Variants in N4BP3 observed in about 807,000 individuals in gnomAD.
N4BP3 encodes NEDD4-binding protein 3.
Under a neutral mutation model 43.8 loss-of-function variants are expected in N4BP3, and 33 were observed. The observed-to-expected ratio is 0.75, with a 90% CI of 0.57 to 1.01. The LOEUF (loss-of-function observed/expected upper bound fraction) is 1.01. N4BP3 is among the 50% of genes least tolerant of loss of function. The pLI is 0.00. For missense variants in N4BP3, 756 were observed against 744.2 expected (o/e 1.02, Z -0.18); for synonymous variants, 326 against 321.9 (o/e 1.01, Z -0.14).
At position 178,122,416 on chromosome 5, in the gene N4BP3, T is replaced by G; in HGVS notation, c.*415T>G. 5.6e-6 allele frequency: 1 copy of G among 179,882 alleles called. No homozygotes were observed. The highest frequency in any genetic ancestry group is 1.3e-4 in the South Asian group (1 of 7,814). 11.1% of individuals were successfully genotyped at this position (179,882 alleles called of 1,614,324 possible). ...CATGTTTTCTACCAGAGGCTCAGAA[T>G]ACGCTGAGCCTGTGACCAGAGGATG... On this transcript the variant is annotated 3_prime_UTR_variant, in exon 5 of 5. Coordinates refer to ENST00000274605, the MANE Select transcript of N4BP3 (RefSeq NM_015111.2).
In N4BP3 at chr5:178,121,194, C is replaced by T. The variant is rs768311947; in HGVS notation, c.949C>T (p.Arg317Cys). ...EVTQKAERSE[R>C]NLQLQLFMAQ... is the part of the protein sequence containing the mutation. ...GACCCAGAAGGCTGAGCGCAGCGAGCGCAACCTCCAGCTGCAGCTGTTTAT... is the reference window on the plus strand; with the variant it reads ...GACCCAGAAGGCTGAGCGCAGCGAGTGCAACCTCCAGCTGCAGCTGTTTAT... The change falls in exon 4 of 5, where the codon CGC becomes TGC. Residue 317 changes from arginine to cysteine, a missense_variant. Arg to Cys is a radical substitution (Grantham distance 180, BLOSUM62 -3). Coordinates refer to ENST00000274605, the MANE Select transcript of N4BP3 (RefSeq NM_015111.2). 19 of 1,601,738 alleles carry T rather than the reference C, an allele frequency of 1.2e-5. No homozygotes were observed. Among genetic ancestry groups the T allele is most frequent in the Non-Finnish European group, 1.4e-5 (16 of 1,176,946 alleles).
At position 178,122,337 on chromosome 5, in the gene N4BP3, T is replaced by G; in HGVS notation, c.*336T>G. On this transcript the variant is annotated 3_prime_UTR_variant, in exon 5 of 5. Coordinates refer to ENST00000274605, the MANE Select transcript of N4BP3 (RefSeq NM_015111.2). The stretch of plus-strand genomic sequence containing the variant: ...GAGGCTGGAGACCTGGGCTGGGGCC[T>G]TCCTCCAGGGAAGGAGGCTGGGGTG... 3 of 254,348 alleles carry G rather than the reference T, an allele frequency of 1.2e-5. No individual in the cohort carries two copies. The highest frequency in any genetic ancestry group is 7.8e-5 in the East Asian group (1 of 12,854). The allele number at this position is 254,348 out of a possible 1,614,324, so 15.8% of individuals were successfully genotyped here. A position where few individuals can be genotyped will look rare whatever the true frequency, so the allele number is the denominator to read the frequency against.
Position 178,123,648 on chromosome 5 carries a change from G to C in N4BP3, c.*1647G>C, listed in dbSNP as rs1757984042. 6.5e-6 allele frequency: 1 copy of C among 152,958 alleles called. No individual in the cohort carries two copies. The highest frequency in any genetic ancestry group is 2.1e-4 in the South Asian group (1 of 4,838). 9.5% of individuals were successfully genotyped at this position (152,958 alleles called of 1,614,324 possible). On this transcript the variant is annotated 3_prime_UTR_variant, in exon 5 of 5. Transcript: ENST00000274605. ...GAATGAGGCGTGTGCACTGTCTGCT[G>C]TGGGGATGGTGTGTTTATGGCCATG...
Position 178,122,016 on chromosome 5 carries a change from G to C in N4BP3, c.*15G>C. The C allele has an allele frequency of 6.4e-7, 1 of 1,568,572 alleles. No individual in the cohort carries two copies. Among genetic ancestry groups the C allele is most frequent in the South Asian group, 1.2e-5 (1 of 83,738 alleles). On this transcript the variant is annotated 3_prime_UTR_variant, in exon 5 of 5. Transcript: ENST00000274605. Reference sequence around the variant, plus strand: ...CCAAGATCTGAGGCCAGCAGAGCGAGCTGACAGCAGCAACACTGTCAGAAG... The same window carrying C: ...CCAAGATCTGAGGCCAGCAGAGCGACCTGACAGCAGCAACACTGTCAGAAG...
chr5:178,126,824 T>A (rs1027184792), downstream of N4BP3, among the ~76,000 whole-genome samples: 1 of 152,188 alleles, frequency 6.6e-6, no homozygotes, highest in Non-Finnish European at 1.5e-5. Flanking sequence ...AGAGGTTTTA[T>A]CTGCATGACA....
chr5:178,125,693 G>A lies in N4BP3; in HGVS notation c.*3692G>A, dbSNP rs1354871166. 1 of 152,260 alleles carries A rather than the reference G, an allele frequency of 6.6e-6. No individual in the cohort carries two copies. The highest frequency in any genetic ancestry group is 6.5e-5 in the Admixed American group (1 of 15,288). The allele number at this position is 152,260 out of a possible 1,614,324, so 9.4% of individuals were successfully genotyped here. ...CCCAGCTGGCTCACTCATCCGTCCA[G>A]GAGGTGGGTCTCATGGTTTCATTTT... On this transcript the variant is annotated 3_prime_UTR_variant, in exon 5 of 5. Transcript: ENST00000274605.
chr5:178,114,789 T>C (rs1260184645), intron 1 of N4BP3, among the ~76,000 whole-genome samples: 2 of 152,228 alleles, frequency 1.3e-5, no homozygotes, highest in African/African-American at 4.8e-5. Flanking sequence ...GGAGTCCCCA[T>C]GAGGCAGGTT....
intron 3 of N4BP3, 28 bp from the exon 4 acceptor site, chr5:178,121,070 C>A: frequency 6.3e-7 from 1 of 1,588,986 alleles, no homozygotes; most frequent in Non-Finnish European, 8.5e-7. Flanking sequence ...GGCAGGGCCA[C>A]GGTGGATGCA....
intron 1 of N4BP3, among the ~76,000 whole-genome samples, chr5:178,114,018 C>T (rs1237086695): frequency 2.0e-5 from 3 of 152,196 alleles, no homozygotes; most frequent in East Asian, 1.9e-4. Context: ...GGGCAGGCGG[C>T]AGGCTACCTT....
chr5:178,121,082 C>CT lies in N4BP3; in HGVS notation c.853-15dup. 3.8e-6 allele frequency: 6 copies of CT among 1,594,206 alleles called. No homozygotes were observed. The highest frequency in any genetic ancestry group is 5.1e-6 in the Non-Finnish European group (6 of 1,178,122). The stretch of plus-strand genomic sequence containing the variant: ...GGGGGCAGGGCCACGGTGGATGCAT[C>CT]TCTTCCCCTTGACAGGTGCTGGAGG... On this transcript the variant is annotated splice_polypyrimidine_tract_variant and intron_variant, in intron 3 of 4. Coordinates refer to ENST00000274605, the MANE Select transcript of N4BP3 (RefSeq NM_015111.2).
Position 178,122,849 on chromosome 5 carries a change from C to T in N4BP3, c.*848C>T, listed in dbSNP as rs2113325033. The T allele has an allele frequency of 6.6e-6, 1 of 152,310 alleles. No individual in the cohort carries two copies. The highest frequency in any genetic ancestry group is 2.4e-5 in the African/African-American group (1 of 41,554). 9.4% of individuals were successfully genotyped at this position (152,310 alleles called of 1,614,324 possible). A position where few individuals can be genotyped will look rare whatever the true frequency, so the allele number is the denominator to read the frequency against. On this transcript the variant is annotated 3_prime_UTR_variant, in exon 5 of 5. Coordinates refer to ENST00000274605, the MANE Select transcript of N4BP3 (RefSeq NM_015111.2). ...GGGGGCCCCTAGAAGTGCTCTGCCT[C>T]ATTCCCTGTTCGTAGGAAGGTGCAG...
In N4BP3 at chr5:178,119,837, C is replaced by G; in HGVS notation, c.254C>G (p.Thr85Ser). 1 of 1,613,204 alleles carries G rather than the reference C, an allele frequency of 6.2e-7. No individual in the cohort carries two copies. Among genetic ancestry groups the G allele is most frequent in the Admixed American group, 1.7e-5 (1 of 60,018 alleles). The change falls in exon 2 of 5, where the codon ACC becomes AGC. Residue 85 changes from threonine to serine, a missense_variant. By Grantham distance (58) the Thr-to-Ser change is moderately conservative (BLOSUM62 1). Coordinates refer to ENST00000274605, the MANE Select transcript of N4BP3 (RefSeq NM_015111.2). ...APRNEPADYATLYYREHSRAG... is the reference protein window; with the variant it reads ...APRNEPADYASLYYREHSRAG... Reference sequence around the variant, plus strand: ...CGGAACGAGCCTGCCGACTATGCCACCCTCTACTACCGGGAACATTCTCGC... The same window carrying G: ...CGGAACGAGCCTGCCGACTATGCCAGCCTCTACTACCGGGAACATTCTCGC...
At chr5:178,115,641 T>C (rs1445730408) in intron 1 of N4BP3, among the ~76,000 whole-genome samples, 5 of 152,224 alleles carry the variant, frequency 3.3e-5, no homozygotes, top group African/African-American at 1.2e-4. Context: ...TGAACCTCAG[T>C]TTCCTCTTGT....
At position 178,120,675 on chromosome 5, in the gene N4BP3, G is replaced by C; in HGVS notation, c.828G>C (p.Glu276Asp). Residue 276 changes from glutamate to aspartate, a missense_variant, in exon 3 of 5, where the codon GAG becomes GAC. By Grantham distance (45) the Glu-to-Asp change is conservative. Coordinates refer to ENST00000274605, the MANE Select transcript of N4BP3 (RefSeq NM_015111.2). ...CEELKRGLGD[E>D]DGSNPFTQVL... ...AGCTCAAGAGGGGCCTTGGCGATGA[G>C]GACGGCTCCAACCCCTTCACGCAGG... 3 of 1,599,684 alleles carry C rather than the reference G, an allele frequency of 1.9e-6. No individual in the cohort carries two copies. Among genetic ancestry groups the C allele is most frequent in the Non-Finnish European group, 2.5e-6 (3 of 1,179,124 alleles).
rs1223142140 is a variant in N4BP3 at position 178,120,661 on chromosome 5, G to A, written c.814G>A (p.Gly272Ser). The change falls in exon 3 of 5, where the codon GGC becomes AGC. Residue 272 changes from glycine to serine, a missense_variant. Gly to Ser is a moderately conservative substitution (Grantham distance 56). Coordinates refer to ENST00000274605, the MANE Select transcript of N4BP3 (RefSeq NM_015111.2). ...CGAGACCTGTGAGGAGCTCAAGAGGGGCCTTGGCGATGAGGACGGCTCCAA... is the reference window on the plus strand; with the variant it reads ...CGAGACCTGTGAGGAGCTCAAGAGGAGCCTTGGCGATGAGGACGGCTCCAA... ...LPETCEELKR[G>S]LGDEDGSNPF... 2.5e-6 allele frequency: 4 copies of A among 1,603,050 alleles called. No homozygotes were observed. Among genetic ancestry groups the A allele is most frequent in the Non-Finnish European group, 2.5e-6 (3 of 1,179,742 alleles).
chr5:178,116,398 G>T (rs1048450328), intron 1 of N4BP3, among the ~76,000 whole-genome samples: 4 of 106,844 alleles, frequency 3.7e-5, no homozygotes, highest in African/African-American at 1.4e-4. Context: ...CAGTCAGTCA[G>T]CCAGGAGGGG....
chr5:178,120,400 G>C lies in N4BP3; in HGVS notation c.553G>C (p.Glu185Gln). ...LSLDEGGPEP[E>Q]PSLSDSSSGG... Reference sequence around the variant, plus strand: ...CCTAGATGAGGGCGGCCCTGAGCCCGAGCCCAGCCTGTCCGACTCCTCCAG... The same window carrying C: ...CCTAGATGAGGGCGGCCCTGAGCCCCAGCCCAGCCTGTCCGACTCCTCCAG... The change falls in exon 3 of 5, where the codon GAG (glutamate) becomes CAG (glutamine). Residue 185 changes from glutamate (E) to glutamine (Q), a missense_variant. Physicochemically the swap from Glu to Gln is conservative, Grantham distance 29 (BLOSUM62 2). Coordinates refer to ENST00000274605, the MANE Select transcript of N4BP3 (RefSeq NM_015111.2). 1 of 1,612,884 alleles carries C rather than the reference G, an allele frequency of 6.2e-7. No homozygotes were observed. The highest frequency in any genetic ancestry group is 1.1e-5 in the South Asian group (1 of 91,088).
rs1757959190 is a variant in N4BP3, at chr5:178,122,571, ACTC to A, written c.*573_*575del. 6.6e-6 allele frequency: 1 copy of A among 152,304 alleles called. No homozygotes were observed. Among genetic ancestry groups the A allele is most frequent in the Non-Finnish European group, 1.5e-5 (1 of 68,416 alleles). The allele number at this position is 152,304 out of a possible 1,614,324, so 9.4% of individuals were successfully genotyped here. On this transcript the variant is annotated 3_prime_UTR_variant, in exon 5 of 5. Transcript: ENST00000274605. The stretch of plus-strand genomic sequence containing the variant: ...TGTGTGTTGGGAGCAGAGGAGTCCT[ACTC>A]CTTGCCTCAGCCCCACACGGTTCCT...
chr5:178,114,303 T>A (rs1561613566), intron 1 of N4BP3, among the ~76,000 whole-genome samples: 1 of 152,236 alleles, frequency 6.6e-6, no homozygotes. Flanking sequence ...CAACCTCGTT[T>A]GCCCCTCTGA....
Sources: allele counts gnomAD v4.1 joint callset (sites outside exome capture counted in the v4.1 genomes callset), GRCh38; gene constraint gnomAD v4.1.1; transcripts MANE v1.5; gene names NCBI Gene and HGNC (gene_info 2026-07-23, HGNC 2026-07-21).